KHDRBS2: variants seen among roughly 807,000 people sequenced by gnomAD.
KHDRBS2 encodes KH RNA binding domain containing, signal transduction associated 2, also known as KH domain-containing, RNA-binding, signal transduction-associated protein 2.
Under a neutral mutation model 44.3 loss-of-function variants are expected in KHDRBS2, and 26 were observed. That is an observed-to-expected ratio of 0.59 (90% CI 0.43 to 0.81). KHDRBS2 has a LOEUF of 0.81. Among genes scored for constraint, KHDRBS2 ranks in the 40% least tolerant of loss-of-function variants. The probability of loss-of-function intolerance (pLI) is 0.00; values close to 1 mark genes in which losing one functional copy is unlikely to be tolerated. For synonymous variants in KHDRBS2, 194 were observed against 151.1 expected, an observed-to-expected ratio of 1.28 and a Z score of -2.08; for missense variants, 476 against 433.1, an observed-to-expected ratio of 1.10 and a Z score of -0.88.
intron 1 of KHDRBS2, among the ~76,000 whole-genome samples, chr6:62,216,358 G>T (rs1297482476): frequency 1.3e-5 from 2 of 151,730 alleles, no homozygotes; most frequent in Non-Finnish European, 2.9e-5. Context: ...ATAGTACAAT[G>T]ATTTCTTTCG....
At chr6:61,696,678 A>G (rs1165643843) in intron 8 of KHDRBS2, among the ~76,000 whole-genome samples, 1 of 152,178 alleles carries the variant, frequency 6.6e-6, no homozygotes, top group Non-Finnish European at 1.5e-5. Flanking sequence ...TGGCATTTTA[A>G]TTAAGGAATA....
intron 4 of KHDRBS2, among the ~76,000 whole-genome samples, chr6:61,931,613 G>GTAT (rs1401146713): frequency 6.6e-6 from 1 of 152,090 alleles, no homozygotes; most frequent in Non-Finnish European, 1.5e-5. Context: ...TTTTGAGAGA[G>GTAT]TATTGCAAAC....
At chr6:61,570,398 C>A in the KHDRBS2 span, among the ~76,000 whole-genome samples, 2 of 151,768 alleles carry the variant, frequency 1.3e-5, no homozygotes, top group African/African-American at 2.4e-5. Flanking sequence ...AAAAACAAAG[C>A]CTCCAAGAAA....
intron 4 of KHDRBS2, among the ~76,000 whole-genome samples, chr6:61,959,499 A>T (rs1475916451): frequency 6.6e-6 from 1 of 152,200 alleles, no homozygotes; most frequent in Non-Finnish European, 1.5e-5. Context: ...CATTCGGCTC[A>T]CATGAAATTA....
intron 1 of KHDRBS2, among the ~76,000 whole-genome samples, chr6:62,209,820 C>T (rs1434191527): frequency 6.6e-6 from 1 of 152,140 alleles, no homozygotes. Flanking sequence ...TTCCTGCCCT[C>T]GAACATCATA....
At chr6:61,593,599 C>T in the KHDRBS2 span, among the ~76,000 whole-genome samples, 3 of 151,428 alleles carry the variant, frequency 2.0e-5, no homozygotes, top group Admixed American at 6.6e-5. Flanking sequence ...TATACTTGTC[C>T]TGATTATTTG....
chr6:61,634,012 T>C, the KHDRBS2 span, among the ~76,000 whole-genome samples: 1 of 152,082 alleles, frequency 6.6e-6, no homozygotes, highest in Non-Finnish European at 1.5e-5. Flanking sequence ...ACTGGGACAA[T>C]GGCAGAGACG....
At chr6:61,666,028 ATCACTT>A in the KHDRBS2 span, among the ~76,000 whole-genome samples, 1 of 151,202 alleles carries the variant, frequency 6.6e-6, no homozygotes, top group African/African-American at 2.4e-5. Context: ...ATATATACAA[ATCACTT>A]GAGAAGTGAG....
intron 3 of KHDRBS2, 85 bp from the exon 4 acceptor site, chr6:61,978,297 A>G: frequency 9.8e-7 from 1 of 1,022,750 alleles, no homozygotes; most frequent in South Asian, 1.8e-5. Flanking sequence ...AAAGGTGTAT[A>G]ATTTAAGCAA....
chr6:62,196,801 T>C (rs1354926392), intron 1 of KHDRBS2, among the ~76,000 whole-genome samples: 5 of 152,002 alleles, frequency 3.3e-5, no homozygotes, highest in Non-Finnish European at 5.9e-5. Context: ...GCTCAGAATA[T>C]GTACTAGAGA....
intron 3 of KHDRBS2, among the ~76,000 whole-genome samples, chr6:61,992,960 G>C (rs971555826): frequency 6.6e-6 from 1 of 152,162 alleles, no homozygotes; most frequent in Admixed American, 6.5e-5. Context: ...CGGCGTATAT[G>C]GGAGGAAAGG....
At chr6:61,984,996 A>G (rs1774762934) in intron 3 of KHDRBS2, among the ~76,000 whole-genome samples, 1 of 152,242 alleles carries the variant, frequency 6.6e-6, no homozygotes, top group African/African-American at 2.4e-5. Flanking sequence ...TGTGGTGCTC[A>G]TAAAAAAATC....
At chr6:61,735,684 T>C (rs2127561824) in intron 6 of KHDRBS2, among the ~76,000 whole-genome samples, 1 of 152,304 alleles carries the variant, frequency 6.6e-6, no homozygotes, top group Non-Finnish European at 1.5e-5. Context: ...TTCTCATAAT[T>C]ACATTCAGAT....
intron 2 of KHDRBS2, among the ~76,000 whole-genome samples, chr6:62,146,388 TA>T (rs745523824): frequency 6.6e-6 from 1 of 151,720 alleles, no homozygotes; most frequent in Non-Finnish European, 1.5e-5. Context: ...TAAAATCCAC[TA>T]GTTGTTGTCT....
intron 1 of KHDRBS2, among the ~76,000 whole-genome samples, chr6:62,255,897 C>T (rs1419379993): frequency 1.3e-5 from 2 of 151,744 alleles, no homozygotes; most frequent in East Asian, 3.9e-4. Context: ...TTTGGGAGGC[C>T]GGGGTGGGCA....
intron 2 of KHDRBS2, among the ~76,000 whole-genome samples, chr6:62,109,877 TA>T (rs1180652931): frequency 6.6e-6 from 1 of 151,762 alleles, no homozygotes; most frequent in Non-Finnish European, 1.5e-5. Context: ...AAAAATTAAC[TA>T]AAAATAGATT....
At chr6:62,268,804 A>C (rs1447017218) in intron 1 of KHDRBS2, among the ~76,000 whole-genome samples, 2 of 152,054 alleles carry the variant, frequency 1.3e-5, no homozygotes. Context: ...GTAGAGTATA[A>C]ACAAATACCA....
chr6:61,631,645 A>G, the KHDRBS2 span, among the ~76,000 whole-genome samples: 1 of 152,176 alleles, frequency 6.6e-6, no homozygotes, highest in East Asian at 1.9e-4. Context: ...GCTGGGAGCA[A>G]CAATATGGCA....
At chr6:61,667,561 T>C in the KHDRBS2 span, among the ~76,000 whole-genome samples, 1 of 151,290 alleles carries the variant, frequency 6.6e-6, no homozygotes, top group South Asian at 2.1e-4. Context: ...CTAAGAGGGC[T>C]CCAATTTTTG....
Sources: gnomAD v4.1 joint callset for allele counts (sites outside exome capture counted in the v4.1 genomes callset) on GRCh38, gnomAD v4.1.1 for gene constraint, MANE v1.5 for transcripts, NCBI Gene and HGNC (gene_info 2026-07-23, HGNC 2026-07-21) for gene names.